The following ADGRB3 variants were observed in gnomAD, a reference collection of about 807,000 sequenced individuals.
ADGRB3 encodes the protein adhesion G protein-coupled receptor B3.
ADGRB3 carries 37 observed loss-of-function variants against 193.4 expected under a neutral mutation model. The observed-to-expected ratio is 0.19, with a 90% CI of 0.15 to 0.25. The LOEUF is 0.25. ADGRB3 is among the 10% of genes least tolerant of loss of function. The probability of loss-of-function intolerance (pLI) is 1.00; values close to 1 mark genes in which losing one functional copy is unlikely to be tolerated. For missense variants in ADGRB3, 1,637 were observed against 1,852.9 expected (o/e 0.88, Z 2.14); for synonymous variants, 690 against 644.2 (o/e 1.07, Z -1.08).
At chr6:69,063,113 A>G in intron 16 of ADGRB3, 77 bp downstream of exon 16, 2 of 1,082,876 alleles carry the variant, frequency 1.8e-6, no homozygotes, top group Non-Finnish European at 2.8e-6. Flanking sequence ...TGATAACACC[A>G]GAATACATTT....
intron 3 of ADGRB3, among the ~76,000 whole-genome samples, chr6:68,885,315 G>A (rs1765877516): frequency 6.6e-6 from 1 of 152,124 alleles, no homozygotes; most frequent in Non-Finnish European, 1.5e-5. Flanking sequence ...AGTATGGAAT[G>A]CGACCTTCTC....
intron 3 of ADGRB3, among the ~76,000 whole-genome samples, chr6:68,676,082 A>C (rs1769078760): frequency 6.6e-6 from 1 of 152,176 alleles, no homozygotes; most frequent in Non-Finnish European, 1.5e-5. Flanking sequence ...TTCAACTTAA[A>C]TAGTACTGTT....
rs78189160 is a variant in ADGRB3 at position 68,796,413 on chromosome 6, G to A, written c.758-134146G>A. Among the ~76,000 whole-genome samples the A allele has an allele frequency of 1.1e-4, 17 of 151,910 alleles. No homozygotes were observed. The East Asian group carries it at 3.3e-3, about 29-fold the overall frequency. On this transcript the variant is annotated intron_variant, in intron 3 of 31. Transcript: ENST00000370598. ...TCTCCATTCTTTCTGAATATTCTGGGGTTACAAGTATCCTCATTATCTTTG... is the reference window on the plus strand; with the variant it reads ...TCTCCATTCTTTCTGAATATTCTGGAGTTACAAGTATCCTCATTATCTTTG...
At chr6:68,641,793 A>G (rs1768088126) in intron 3 of ADGRB3, among the ~76,000 whole-genome samples, 1 of 152,094 alleles carries the variant, frequency 6.6e-6, no homozygotes, top group South Asian at 2.1e-4. Context: ...GAATGTGAAA[A>G]TCTATTGACC....
chr6:68,743,247 C>T (rs961173318), intron 3 of ADGRB3, among the ~76,000 whole-genome samples: 4 of 152,114 alleles, frequency 2.6e-5, no homozygotes, highest in African/African-American at 9.6e-5. Context: ...TCTTCTGGAT[C>T]ATTCAGGCTA....
intron 19 of ADGRB3, among the ~76,000 whole-genome samples, chr6:69,238,148 A>C (rs2127259875): frequency 6.6e-6 from 1 of 152,182 alleles, no homozygotes; most frequent in Middle Eastern, 3.4e-3. Flanking sequence ...TACCTTCCAG[A>C]GTGCCTCCAG....
chr6:69,252,970 G>A (rs1238133556), intron 20 of ADGRB3, among the ~76,000 whole-genome samples: 1 of 152,000 alleles, frequency 6.6e-6, no homozygotes, highest in East Asian at 1.9e-4. Context: ...ATTTTTGTGT[G>A]TTATATGAGG....
rs1767925207 is a variant in ADGRB3 at position 68,635,530 on chromosome 6, C to T, written c.-658C>T. On this transcript the variant is annotated 5_prime_UTR_variant, in exon 1 of 32. Transcript: ENST00000370598. ...ACCACGAATACTCCTGTAATAAACC[C>T]ACCGCCCCAACAAATCTGCCATAGC... The T allele has an allele frequency of 6.5e-6, 1 of 153,562 alleles. No individual in the cohort carries two copies. Among genetic ancestry groups the T allele is most frequent in the Non-Finnish European group, 1.4e-5 (1 of 69,234 alleles). 9.5% of individuals were successfully genotyped at this position (153,562 alleles called of 1,614,324 possible).
At chr6:69,051,969 A>G (rs879790242) in intron 15 of ADGRB3, among the ~76,000 whole-genome samples, 11 of 152,096 alleles carry the variant, frequency 7.2e-5, no homozygotes, top group Non-Finnish European at 1.5e-4. Flanking sequence ...ATCTCCGCTC[A>G]CTGCAAGATC....
At chr6:68,781,079 G>T (rs1015521722) in intron 3 of ADGRB3, among the ~76,000 whole-genome samples, 5 of 152,118 alleles carry the variant, frequency 3.3e-5, no homozygotes, top group Non-Finnish European at 2.9e-5. Context: ...ACCTGCAACT[G>T]CATGAATTCG....
chr6:69,254,850 C>G (rs201597536), intron 20 of ADGRB3, among the ~76,000 whole-genome samples: 20 of 113,662 alleles, frequency 1.8e-4, no homozygotes, highest in Admixed American at 3.9e-4. Context: ...AATGCTATCC[C>G]TCCCCCCTCC....
chr6:68,995,239 C>T (rs1769351923), intron 11 of ADGRB3, among the ~76,000 whole-genome samples: 1 of 152,082 alleles, frequency 6.6e-6, no homozygotes, highest in Non-Finnish European at 1.5e-5. Context: ...CTTTTCCCTG[C>T]AGTTCTGAAA....
intron 17 of ADGRB3, among the ~76,000 whole-genome samples, chr6:69,126,189 C>T (rs2150332125): frequency 6.7e-6 from 1 of 149,316 alleles, no homozygotes; most frequent in South Asian, 2.2e-4. Flanking sequence ...CCCAGAGAAA[C>T]AGAACCAATA....
intron 3 of ADGRB3, among the ~76,000 whole-genome samples, chr6:68,871,571 C>T (rs1765456540): frequency 6.6e-6 from 1 of 152,038 alleles, no homozygotes; most frequent in South Asian, 2.1e-4. Context: ...CAAAGTTTAA[C>T]ATGTGTGTTC....
intron 20 of ADGRB3, among the ~76,000 whole-genome samples, chr6:69,316,460 G>A (rs532092324): frequency 1.3e-5 from 2 of 151,392 alleles, no homozygotes; most frequent in South Asian, 4.2e-4. Context: ...TAAGTGAAGT[G>A]GATAATTTCC....
intron 17 of ADGRB3, among the ~76,000 whole-genome samples, chr6:69,188,895 A>G (rs912860834): frequency 1.3e-5 from 2 of 152,170 alleles, no homozygotes; most frequent in African/African-American, 2.4e-5. Flanking sequence ...AAATTTAATT[A>G]TAAATGCCTT....
At chr6:69,063,773 CTGTACA>C (rs1771820364) in intron 16 of ADGRB3, among the ~76,000 whole-genome samples, 1 of 151,972 alleles carries the variant, frequency 6.6e-6, no homozygotes. Context: ...GTTCAGTCCT[CTGTACA>C]AATTTTCAAT....
chr6:68,904,376 G>C (rs1327970744), intron 3 of ADGRB3, among the ~76,000 whole-genome samples: 2 of 152,098 alleles, frequency 1.3e-5, no homozygotes, highest in African/African-American at 2.4e-5. Flanking sequence ...TGGGACCACT[G>C]TCATATATGT....
chr6:69,159,864 GAACCTATAATGCACAC>G (rs1774938162), intron 17 of ADGRB3, among the ~76,000 whole-genome samples: 1 of 152,066 alleles, frequency 6.6e-6, no homozygotes, highest in African/African-American at 2.4e-5. Context: ...GCAAATTCCA[GAACCTATAATGCACAC>G]ATTCTTTCCT....
Sources: gnomAD v4.1 joint callset for allele counts (sites outside exome capture counted in the v4.1 genomes callset) on GRCh38, gnomAD v4.1.1 for gene constraint, MANE v1.5 for transcripts, NCBI Gene and HGNC (gene_info 2026-07-23, HGNC 2026-07-21) for gene names.